The following MRAP2 variants were observed in gnomAD, a reference collection of about 807,000 sequenced individuals.
MRAP2 encodes melanocortin 2 receptor accessory protein 2.
Under a neutral mutation model 17.4 loss-of-function variants are expected in MRAP2, and 20 were observed. The ratio of observed to expected loss-of-function variants is 1.15; its 90% CI spans 0.81 to 1.67. The LOEUF (loss-of-function observed/expected upper bound fraction) is 1.67. MRAP2 is among the 40% of genes most tolerant of loss of function. MRAP2 has a pLI of 0.00. For synonymous variants in MRAP2, 96 were observed against 88.4 expected, an observed-to-expected ratio of 1.09 and a Z score of -0.48; for missense variants, 238 against 240.0, an observed-to-expected ratio of 0.99 and a Z score of 0.05.
Position 84,089,386 on chromosome 6 carries a change from A to T in MRAP2, c.523A>T (p.Asn175Tyr). Residue 175 changes from asparagine (N) to tyrosine (Y), a missense_variant, in exon 4 of 4, where the codon AAC becomes TAC. By Grantham distance (143) the Asn-to-Tyr change is moderately radical. Coordinates refer to ENST00000257776, the MANE Select transcript of MRAP2 (RefSeq NM_138409.4). ...DIPNFVNTDQ[N>Y]YFGEDDLLIS... Reference sequence around the variant, plus strand: ...CCCCAACTTTGTGAACACAGACCAGAACTACTTTGGGGAGGATGATCTTCT... The same window carrying T: ...CCCCAACTTTGTGAACACAGACCAGTACTACTTTGGGGAGGATGATCTTCT... 6.2e-7 allele frequency: 1 copy of T among 1,614,162 alleles called. No individual in the cohort carries two copies. The highest frequency in any genetic ancestry group is 8.5e-7 in the Non-Finnish European group (1 of 1,180,028).
At chr6:84,092,253 A>G (rs886579221), downstream of MRAP2, among the ~76,000 whole-genome samples, 1 of 152,216 alleles carries the variant, frequency 6.6e-6, no homozygotes, top group Non-Finnish European at 1.5e-5. Flanking sequence ...CTTTTGCCAC[A>G]TAAGGCTACA....
the MRAP2 span, among the ~76,000 whole-genome samples, chr6:84,136,815 A>G: frequency 1.3e-5 from 2 of 152,178 alleles, no homozygotes; most frequent in African/African-American, 4.8e-5. Flanking sequence ...TGTACAGATA[A>G]CTTTTTTCTT....
rs771311623 is a variant in MRAP2, at chr6:84,089,096, C to A, written c.233C>A (p.Ala78Glu). Residue 78 changes from alanine to glutamate, a missense_variant, in exon 4 of 4, where the codon GCA (alanine) becomes GAA (glutamate). Transcript: ENST00000257776. ...TKTGAPHQDN[A>E]ESSEKRFRMN... ...TATTTTCTTTTTTTAAATAGCAATG[C>A]AGAGTCCTCAGAGAAGAGATTCAGA... 6.8e-6 allele frequency: 11 copies of A among 1,608,692 alleles called. No individual in the cohort carries two copies. The Admixed American group carries it at 1.9e-4, about 27-fold the overall frequency.
chr6:84,134,747 G>T, the MRAP2 span, among the ~76,000 whole-genome samples: 2 of 152,156 alleles, frequency 1.3e-5, no homozygotes, highest in Middle Eastern at 3.4e-3. Context: ...CTTTCCTTCT[G>T]TGTTGATCTC....
chr6:84,084,712 AT>A (rs1159981617), intron 3 of MRAP2, among the ~76,000 whole-genome samples: 2 of 152,062 alleles, frequency 1.3e-5, no homozygotes, highest in Non-Finnish European at 2.9e-5. Context: ...TGCAGTTTCT[AT>A]TTCATCTCTA....
At chr6:84,120,295 C>T in the MRAP2 span, among the ~76,000 whole-genome samples, 1 of 152,148 alleles carries the variant, frequency 6.6e-6, no homozygotes, top group East Asian at 1.9e-4. Context: ...GATTCAAATG[C>T]CAATCTCTTG....
the MRAP2 span, among the ~76,000 whole-genome samples, chr6:84,099,274 C>A: frequency 6.7e-6 from 1 of 149,790 alleles, no homozygotes; most frequent in South Asian, 2.1e-4. Flanking sequence ...TGCAACTTTA[C>A]TGAAAATCAG....
chr6:84,037,637 G>A (rs930806422), intron 1 of MRAP2, among the ~76,000 whole-genome samples: 14 of 152,188 alleles, frequency 9.2e-5, no homozygotes, highest in Admixed American at 8.5e-4. Flanking sequence ...ACAGGGAGGC[G>A]GCTGAGGCCC....
chr6:84,120,674 T>G, the MRAP2 span, among the ~76,000 whole-genome samples: 1 of 152,204 alleles, frequency 6.6e-6, no homozygotes, highest in African/African-American at 2.4e-5. Context: ...TTATATGATG[T>G]TTGCATGTCC....
At chr6:84,145,449 C>A in the MRAP2 span, among the ~76,000 whole-genome samples, 1 of 151,992 alleles carries the variant, frequency 6.6e-6, no homozygotes, top group Non-Finnish European at 1.5e-5. Flanking sequence ...TTATTTTTGC[C>A]ATTGGTCTTA....
At chr6:84,111,649 G>T in the MRAP2 span, among the ~76,000 whole-genome samples, 1 of 152,298 alleles carries the variant, frequency 6.6e-6, no homozygotes, top group Non-Finnish European at 1.5e-5. Flanking sequence ...TGTTGAATAG[G>T]AGTGGTGAGA....
chr6:84,047,397 A>T (rs140978924), intron 1 of MRAP2, among the ~76,000 whole-genome samples: 96 of 151,568 alleles, frequency 6.3e-4, no homozygotes, highest in Non-Finnish European at 1.2e-3. Context: ...TGCCAGGTTG[A>T]CCAGGCTGGT....
intron 3 of MRAP2, among the ~76,000 whole-genome samples, chr6:84,069,699 T>C (rs1463253054): frequency 6.6e-6 from 1 of 152,216 alleles, no homozygotes; most frequent in African/African-American, 2.4e-5. Flanking sequence ...TCTGGTAGAA[T>C]TCTGCTGTGA....
the MRAP2 span, among the ~76,000 whole-genome samples, chr6:84,127,957 G>A: frequency 1.3e-5 from 2 of 152,152 alleles, no homozygotes; most frequent in Non-Finnish European, 2.9e-5. Flanking sequence ...ATTATGATGT[G>A]CTAGGCATTA....
At chr6:84,057,466 C>G (rs2099491982) in intron 2 of MRAP2, among the ~76,000 whole-genome samples, 1 of 152,192 alleles carries the variant, frequency 6.6e-6, no homozygotes, top group African/African-American at 2.4e-5. Context: ...TTCCTACCTT[C>G]AAAGGGTGTT....
chr6:84,134,951 C>T, the MRAP2 span, among the ~76,000 whole-genome samples: 1 of 150,104 alleles, frequency 6.7e-6, no homozygotes, highest in Non-Finnish European at 1.5e-5. Context: ...CACACACACA[C>T]ACACATATAT....
chr6:84,073,888 G>GTTTTTTTT (rs71549596), intron 3 of MRAP2, among the ~76,000 whole-genome samples: 2 of 137,878 alleles, frequency 1.5e-5, no homozygotes, highest in Non-Finnish European at 3.1e-5. Context: ...GTGTGTGTGT[G>GTTTTTTTT]TTTTTTTTTT....
rs185436700 is a variant in MRAP2, at chr6:84,084,311, G to A, written c.228-4780G>A. Among the ~76,000 whole-genome samples the A allele has an allele frequency of 4.4e-4, 67 of 152,180 alleles. 1 individual carries two copies. Among genetic ancestry groups the A allele is most frequent in the African/African-American group, 1.4e-3 (57 of 41,524 alleles). ...TTTTCCAGCTTTTTCTAGTCCCTCCGTAGTAGATAAAGCAATTTTTATGTC... is the reference window on the plus strand; with the variant it reads ...TTTTCCAGCTTTTTCTAGTCCCTCCATAGTAGATAAAGCAATTTTTATGTC... On this transcript the variant is annotated intron_variant, in intron 3 of 3. Coordinates refer to ENST00000257776, the MANE Select transcript of MRAP2 (RefSeq NM_138409.4).
At chr6:84,110,802 T>A in the MRAP2 span, among the ~76,000 whole-genome samples, 2 of 152,216 alleles carry the variant, frequency 1.3e-5, no homozygotes, top group South Asian at 4.1e-4. Context: ...GGGGTTCAGT[T>A]TCAGTTTTCT....
Sources: gnomAD v4.1 joint callset for allele counts (sites outside exome capture counted in the v4.1 genomes callset) on GRCh38, gnomAD v4.1.1 for gene constraint, MANE v1.5 for transcripts, NCBI Gene and HGNC (gene_info 2026-07-23, HGNC 2026-07-21) for gene names.